ZNF606: variants seen among roughly 807,000 people sequenced by gnomAD.
ZNF606 encodes zinc finger protein 328.
In ZNF606, 37 loss-of-function variants were observed where a neutral mutation model predicts 74.9. The ratio of observed to expected loss-of-function variants is 0.49; its 90% CI spans 0.38 to 0.65. The LOEUF (loss-of-function observed/expected upper bound fraction) is 0.65. Among genes scored for constraint, ZNF606 ranks in the 30% least tolerant of loss-of-function variants. The probability of loss-of-function intolerance (pLI) is 0.00; values close to 1 mark genes in which losing one functional copy is unlikely to be tolerated. For missense variants in ZNF606, 852 were observed against 952.9 expected (o/e 0.89, Z 1.39); for synonymous variants, 328 against 312.4 (o/e 1.05, Z -0.53).
At chr19:57,996,049 A>T (rs1185637819) in intron 4 of ZNF606, among the ~76,000 whole-genome samples, 1 of 152,200 alleles carries the variant, frequency 6.6e-6, no homozygotes, top group Admixed American at 6.5e-5. Flanking sequence ...ATGTGCCAAA[A>T]TTAAAACTAA....
At chr19:57,996,078 T>C (rs1292150921) in intron 4 of ZNF606, among the ~76,000 whole-genome samples, 1 of 152,148 alleles carries the variant, frequency 6.6e-6, no homozygotes, top group Non-Finnish European at 1.5e-5. Flanking sequence ...TTTAAAAATT[T>C]AGAAATGAAA....
Position 57,979,639 on chromosome 19 carries a change from G to A in ZNF606, c.1041C>T (p.Tyr347=). The change falls in exon 7 of 7, where the codon TAC becomes TAT. Residue 347 remains tyrosine (Y), a synonymous_variant. Transcript: ENST00000551380. ...AATAAAAGATATTCTCATATTCTTTGTAATTATACTGGTTTTCTCCAACAT... is the reference window on the plus strand; with the variant it reads ...AATAAAAGATATTCTCATATTCTTTATAATTATACTGGTTTTCTCCAACAT... ...RLHVGENQYN[Y]KEYENIFYFS... 6.2e-7 allele frequency: 1 copy of A among 1,613,534 alleles called. No individual in the cohort carries two copies. Among genetic ancestry groups the A allele is most frequent in the Non-Finnish European group, 8.5e-7 (1 of 1,179,988 alleles).
chr19:57,992,235 G>A (rs1057262615), intron 4 of ZNF606, among the ~76,000 whole-genome samples: 1 of 152,168 alleles, frequency 6.6e-6, no homozygotes, highest in Non-Finnish European at 1.5e-5. Flanking sequence ...AGGCAGACAG[G>A]GAGCTTTATA....
chr19:57,999,684 TA>T, intron 4 of ZNF606, 123 bp downstream of exon 4: 1 of 975,242 alleles, frequency 1.0e-6, no homozygotes, highest in Non-Finnish European at 1.6e-6. Context: ...CAGGAAGGAT[TA>T]ACTTCCAGTT....
intron 4 of ZNF606, among the ~76,000 whole-genome samples, chr19:57,992,446 G>A (rs979058373): frequency 6.6e-6 from 1 of 152,192 alleles, no homozygotes; most frequent in South Asian, 2.1e-4. Flanking sequence ...AGGGGATGGA[G>A]GAACTTATTC....
intron 4 of ZNF606, among the ~76,000 whole-genome samples, chr19:57,990,163 C>G (rs925431504): frequency 6.6e-6 from 1 of 150,612 alleles, no homozygotes; most frequent in South Asian, 2.1e-4. Flanking sequence ...GAGATTGAGA[C>G]CATCCTGGCT....
At chr19:57,986,089 C>G (rs2073159941) in intron 6 of ZNF606, among the ~76,000 whole-genome samples, 1 of 152,004 alleles carries the variant, frequency 6.6e-6, no homozygotes, top group Admixed American at 6.6e-5. Flanking sequence ...ACATGACAAT[C>G]AAGAATTCTA....
chr19:57,991,667 C>T (rs1383086204), intron 4 of ZNF606, among the ~76,000 whole-genome samples: 1 of 152,024 alleles, frequency 6.6e-6, no homozygotes, highest in Non-Finnish European at 1.5e-5. Flanking sequence ...ATAATCCCAG[C>T]TACTCGTGAG....
intron 3 of ZNF606, chr19:58,000,228 C>CTT (rs138401809): frequency 0.091 from 31,306 of 342,982 alleles, 633 homozygotes; most frequent in Middle Eastern, 0.13. Flanking sequence ...CACTGGTTTT[C>CTT]TTTTTTTTTT....
intron 4 of ZNF606, among the ~76,000 whole-genome samples, chr19:57,991,042 C>T (rs764757283): frequency 1.3e-5 from 2 of 152,130 alleles, no homozygotes; most frequent in Admixed American, 6.5e-5. Context: ...CCTGCACCCT[C>T]GTCCCACTGC....
chr19:58,001,938 T>C (rs1555790788), intron 1 of ZNF606: 2 of 341,074 alleles, frequency 5.9e-6, no homozygotes, highest in Non-Finnish European at 1.1e-5. Context: ...AAGCCTAAGC[T>C]TGTGTGTGTG....
intron 5 of ZNF606, 42 bp from the exon 6 acceptor site, chr19:57,988,344 T>A (rs1478098115): frequency 6.3e-7 from 1 of 1,585,808 alleles, no homozygotes; most frequent in Non-Finnish European, 8.6e-7. Context: ...TCATGAGGCT[T>A]CAGGACAGCC....
rs537241242 is a variant in ZNF606 at position 58,002,676 on chromosome 19, G to T, written c.-332C>A. ...CGACGGCGCAAAGCCGGCGCGGAAA[G>T]GGCAGGCGCAGGACCCACCCTGACG... On this transcript the variant is annotated 5_prime_UTR_variant, in exon 1 of 7. Coordinates refer to ENST00000551380, the MANE Select transcript of ZNF606 (RefSeq NM_001348022.3). 2.2e-6 allele frequency: 1 copy of T among 454,440 alleles called. No homozygotes were observed. Among genetic ancestry groups the T allele is most frequent in the Non-Finnish European group, 4.4e-6 (1 of 225,992 alleles). The allele number at this position is 454,440 out of a possible 1,614,324, so 28.2% of individuals were successfully genotyped here.
chr19:57,999,505 T>G (rs1402555228), intron 4 of ZNF606: 1 of 490,786 alleles, frequency 2.0e-6, no homozygotes, highest in African/African-American at 1.9e-5. Context: ...AATCGGGTGC[T>G]AAAGACATGA....
chr19:58,002,113 G>A (rs1285278502), intron 1 of ZNF606: 10 of 453,114 alleles, frequency 2.2e-5, no homozygotes, highest in African/African-American at 1.8e-4. Flanking sequence ...AACGCAGAAT[G>A]CAAACCGTAC....
At position 58,002,578 on chromosome 19, in the gene ZNF606, T is replaced by C. The variant is rs2073454320; in HGVS notation, c.-234A>G. ...GTGCAGCAGAGTTCACCCAGGCCCG[T>C]CCGACCAGAAAACGAAGAACGCCCG... On this transcript the variant is annotated 5_prime_UTR_variant, in exon 1 of 7. Coordinates refer to ENST00000551380, the MANE Select transcript of ZNF606 (RefSeq NM_001348022.3). 2.3e-6 allele frequency: 1 copy of C among 437,234 alleles called. No individual in the cohort carries two copies. The highest frequency in any genetic ancestry group is 4.6e-6 in the Non-Finnish European group (1 of 218,112). The allele number at this position is 437,234 out of a possible 1,614,324, so 27.1% of individuals were successfully genotyped here.
chr19:57,981,557 G>A (rs547240862), intron 6 of ZNF606, among the ~76,000 whole-genome samples: 27 of 152,316 alleles, frequency 1.8e-4, no homozygotes, highest in African/African-American at 6.5e-4. Flanking sequence ...TCACTTCTGT[G>A]TTATAATGTC....
chr19:57,990,755 T>C (rs1192029129), intron 4 of ZNF606, among the ~76,000 whole-genome samples: 1 of 152,078 alleles, frequency 6.6e-6, no homozygotes, highest in Non-Finnish European at 1.5e-5. Context: ...CAGACCTCCC[T>C]GCTGAATTTT....
At chr19:57,991,095 G>A (rs779778112) in intron 4 of ZNF606, among the ~76,000 whole-genome samples, 5 of 151,936 alleles carry the variant, frequency 3.3e-5, no homozygotes, top group Admixed American at 6.6e-5. Context: ...GTGCACCCTC[G>A]CCTTCTCTCC....
Sources: gnomAD v4.1 joint callset for allele counts (sites outside exome capture counted in the v4.1 genomes callset) on GRCh38, gnomAD v4.1.1 for gene constraint, MANE v1.5 for transcripts, NCBI Gene and HGNC (gene_info 2026-07-23, HGNC 2026-07-21) for gene names.